LCORL: variants seen among roughly 807,000 people sequenced by gnomAD.
LCORL encodes ligand-dependent nuclear receptor corepressor-like protein.
LCORL carries 41 observed loss-of-function variants against 141.8 expected under a neutral mutation model. The ratio of observed to expected loss-of-function variants is 0.29; its 90% CI spans 0.23 to 0.38. The LOEUF (loss-of-function observed/expected upper bound fraction) is 0.38, where lower values mean the gene tolerates loss of function less well. Ranked by LOEUF, LCORL falls within the 10% of genes least tolerant of loss-of-function variation. The pLI, the probability that LCORL is intolerant of heterozygous loss-of-function variation, is 1.00. For synonymous variants in LCORL, 618 were observed against 694.1 expected, an observed-to-expected ratio of 0.89 and a Z score of 1.72; for missense variants, 1,759 against 2,035.0, an observed-to-expected ratio of 0.86 and a Z score of 2.61.
chr4:18,009,011 A>AT (rs996755728), intron 1 of LCORL, among the ~76,000 whole-genome samples: 16 of 152,086 alleles, frequency 1.1e-4, no homozygotes, highest in African/African-American at 3.9e-4. Context: ...AAAAACAACC[A>AT]TTAAAATCAG....
chr4:17,988,522 C>T (rs554659288), intron 1 of LCORL, among the ~76,000 whole-genome samples: 81 of 152,276 alleles, frequency 5.3e-4, no homozygotes, highest in Admixed American at 9.2e-4. Context: ...CATTCATCTG[C>T]TCATCTACTC....
rs897358951 is a variant in LCORL at position 18,021,271 on chromosome 4, G to C, written c.154+327C>G. ...CTCCGTCCTGTCAGGGTGGACGGCG[G>C]GCGACGGCGGGCAGCGACGGGCGCC... On this transcript the variant is annotated intron_variant, in intron 1 of 7. Transcript: ENST00000635767. This position sits in a 1 kb window ranked among gnomAD's most constrained non-coding sequence, Gnocchi z 5.5. 6.6e-6 allele frequency among the ~76,000 whole-genome samples: 1 copy of C among 152,160 alleles called. No individual in the cohort carries two copies.
chr4:17,912,439 AT>A (rs1732716445), intron 4 of LCORL: 1 of 588,010 alleles, frequency 1.7e-6, no homozygotes. Flanking sequence ...TGCCAAGATC[AT>A]GGCAGACATC....
chr4:18,007,562 A>G (rs982747454), intron 1 of LCORL, among the ~76,000 whole-genome samples: 19 of 152,196 alleles, frequency 1.2e-4, no homozygotes, highest in Admixed American at 4.6e-4. Context: ...ATTGTGCTTC[A>G]TGAAGACAAT....
At chr4:17,899,548 G>A (rs954168443) in intron 5 of LCORL, among the ~76,000 whole-genome samples, 4 of 152,096 alleles carry the variant, frequency 2.6e-5, no homozygotes, top group African/African-American at 9.7e-5. Context: ...AACCTAGTAA[G>A]TCATTAAAAG....
Position 17,883,748 on chromosome 4 carries a change from C to T in LCORL, c.776+2320G>A. The T allele has an allele frequency of 2.6e-6, 4 of 1,540,574 alleles. 1 individual carries two copies. In the South Asian group the frequency reaches 4.9e-5, roughly 19 times the overall value. On this transcript the variant is annotated intron_variant, in intron 6 of 7. Transcript: ENST00000635767. Reference sequence around the variant, plus strand: ...CACAGGCTTGCTGCTGTTTTTGCAGCTGCCAGTCCCTGAATCTGTCATATT... The same window carrying T: ...CACAGGCTTGCTGCTGTTTTTGCAGTTGCCAGTCCCTGAATCTGTCATATT...
At chr4:17,937,646 G>A (rs1737085891) in intron 4 of LCORL, among the ~76,000 whole-genome samples, 1 of 152,098 alleles carries the variant, frequency 6.6e-6, no homozygotes, top group Non-Finnish European at 1.5e-5. Context: ...TAACAAGTAT[G>A]CTAGTTAGAA....
At chr4:17,968,070 C>A (rs1715258679) in intron 2 of LCORL, among the ~76,000 whole-genome samples, 1 of 151,992 alleles carries the variant, frequency 6.6e-6, no homozygotes, top group Non-Finnish European at 1.5e-5. Context: ...GTTGGCCAGG[C>A]CGGTTTCAAG....
chr4:17,933,069 A>T (rs1257980126), intron 4 of LCORL, among the ~76,000 whole-genome samples: 1 of 151,932 alleles, frequency 6.6e-6, no homozygotes, highest in Non-Finnish European at 1.5e-5. Flanking sequence ...TATCTTTGTG[A>T]CTTAGTATTT....
chr4:17,867,934 T>C (rs1725881033), intron 7 of LCORL, among the ~76,000 whole-genome samples: 1 of 152,184 alleles, frequency 6.6e-6, no homozygotes, highest in Non-Finnish European at 1.5e-5. Context: ...TTCTCTTAAT[T>C]CCTAAGAAAA....
At chr4:17,947,467 GTTTT>G (rs535027694) in intron 4 of LCORL, among the ~76,000 whole-genome samples, 1 of 150,812 alleles carries the variant, frequency 6.6e-6, no homozygotes, top group Non-Finnish European at 1.5e-5. Flanking sequence ...GGATTTGTTG[GTTTT>G]TTTTTAGATT....
chr4:17,926,916 T>TG (rs1384997828), intron 4 of LCORL, among the ~76,000 whole-genome samples: 1 of 152,250 alleles, frequency 6.6e-6, no homozygotes, highest in East Asian at 1.9e-4. Flanking sequence ...AAGCCATAGT[T>TG]GCATTAGGCC....
At chr4:17,909,047 G>A (rs774321587) in intron 5 of LCORL, 47 bp downstream of exon 5, 38 of 1,451,870 alleles carry the variant, frequency 2.6e-5, no homozygotes, top group Middle Eastern at 3.6e-4. Flanking sequence ...TACATTTAAC[G>A]ATATAAAACA....
At chr4:17,880,575 A>C in intron 6 of LCORL, 1 of 966,068 alleles carries the variant, frequency 1.0e-6, no homozygotes, top group Middle Eastern at 5.3e-4. Flanking sequence ...TCCTAAAGTA[A>C]ATCAAACAAG....
intron 7 of LCORL, among the ~76,000 whole-genome samples, chr4:17,858,926 A>G (rs1724674060): frequency 2.0e-5 from 3 of 152,070 alleles, no homozygotes. Flanking sequence ...TGGAAAAAAG[A>G]ACATACAGAG....
intron 7 of LCORL, among the ~76,000 whole-genome samples, 173 bp downstream of exon 7, chr4:17,873,214 TG>T (rs1577298846): frequency 6.6e-6 from 1 of 152,254 alleles, no homozygotes; most frequent in East Asian, 1.9e-4. Context: ...GGAAGCGCAC[TG>T]GTACATTTAG....
chr4:18,006,521 T>C (rs916159008), intron 1 of LCORL, among the ~76,000 whole-genome samples: 11 of 152,150 alleles, frequency 7.2e-5, no homozygotes, highest in Admixed American at 2.6e-4. Context: ...GATAAAGACA[T>C]ACCCAAGACT....
In LCORL at chr4:17,856,871, CT is replaced by C. The variant is rs1455778923; in HGVS notation, c.5603-10971del. 4.6e-5 allele frequency among the ~76,000 whole-genome samples: 7 copies of C among 152,276 alleles called. No homozygotes were observed. In the East Asian group the frequency reaches 1.4e-3, roughly 29 times the overall value. Reference sequence around the variant, plus strand: ...ACAACTCAACCTAAAGTAGCTCCCCCTAGAAACTCCTTTCTATCATCCAATT... The same window carrying C: ...ACAACTCAACCTAAAGTAGCTCCCCCAGAAACTCCTTTCTATCATCCAATT... On this transcript the variant is annotated intron_variant, in intron 7 of 7. Coordinates refer to ENST00000635767, the Ensembl canonical transcript of LCORL.
intron 4 of LCORL, among the ~76,000 whole-genome samples, chr4:17,949,441 T>C (rs1467299219): frequency 1.3e-5 from 2 of 152,146 alleles, no homozygotes; most frequent in African/African-American, 4.8e-5. Flanking sequence ...ATTTTTTATT[T>C]GCCAACCTTG....
Sources: allele counts gnomAD v4.1 joint callset (sites outside exome capture counted in the v4.1 genomes callset), GRCh38; gene constraint gnomAD v4.1.1; non-coding constraint Gnocchi (gnomAD v3.1); transcripts MANE v1.5; gene names NCBI Gene and HGNC (gene_info 2026-07-23, HGNC 2026-07-21).